Variants in DNAH11 observed in about 807,000 individuals in gnomAD.
The protein encoded by DNAH11 is dynein axonemal heavy chain 11.
A neutral mutation model predicts 526.0 loss-of-function variants in DNAH11; 442 were observed. That is an observed-to-expected ratio of 0.84 (90% CI 0.78 to 0.91). The LOEUF is 0.91. Among genes scored for constraint, DNAH11 ranks in the 40% least tolerant of loss-of-function variants. DNAH11 has a pLI of 0.00. For missense variants in DNAH11, 6,989 were observed against 5,448.7 expected (o/e 1.28, Z -8.90); for synonymous variants, 2,461 against 1,935.9 (o/e 1.27, Z -7.12).
At chr7:21,790,755 C>T (rs1189523979) in intron 61 of DNAH11, among the ~76,000 whole-genome samples, 39 of 152,144 alleles carry the variant, frequency 2.6e-4, no homozygotes, top group Admixed American at 2.4e-3. Context: ...TTGAAGTGTC[C>T]AGCAAGTCAG....
chr7:21,744,739 A>G (rs1461277426), intron 50 of DNAH11, 131 bp from the exon 51 acceptor site: 13 of 1,429,656 alleles, frequency 9.1e-6, no homozygotes, highest in African/African-American at 1.4e-5. Context: ...CACTTGGTCT[A>G]TGCTTGGGAA....
chr7:21,736,997 T>C (rs912373194), intron 46 of DNAH11, among the ~76,000 whole-genome samples: 1 of 152,186 alleles, frequency 6.6e-6, no homozygotes, highest in African/African-American at 2.4e-5. Flanking sequence ...TTACCTATGA[T>C]GTGAGTGCAT....
chr7:21,726,039 A>C, intron 45 of DNAH11, 55 bp downstream of exon 45: 1 of 1,435,594 alleles, frequency 7.0e-7, no homozygotes, highest in African/African-American at 1.5e-5. Context: ...TGCTATAAAA[A>C]ATACCTGCAA....
chr7:21,665,115 T>A (rs1782375926), intron 30 of DNAH11, among the ~76,000 whole-genome samples: 1 of 151,766 alleles, frequency 6.6e-6, no homozygotes, highest in Admixed American at 6.6e-5. Flanking sequence ...CTCTTCCCCT[T>A]CCTCCCTCTC....
intron 36 of DNAH11, among the ~76,000 whole-genome samples, chr7:21,699,114 T>C (rs546357433): frequency 6.6e-6 from 1 of 152,286 alleles, no homozygotes; most frequent in East Asian, 1.9e-4. Flanking sequence ...TCTAATAAGA[T>C]AGGGCAGGAG....
Position 21,695,013 on chromosome 7 carries a change from A to T in DNAH11, c.6042-3062A>T, listed in dbSNP as rs575392253. On this transcript the variant is annotated intron_variant, in intron 35 of 81. Transcript: ENST00000409508. Reference sequence around the variant, plus strand: ...TCACAATTGCTACAAAGAGAATAAAATACCTAGGAATACAACTTATAAGGG... The same window carrying T: ...TCACAATTGCTACAAAGAGAATAAATTACCTAGGAATACAACTTATAAGGG... Among the ~76,000 whole-genome samples, 7 of 152,304 alleles carry T rather than the reference A, an allele frequency of 4.6e-5. No individual in the cohort carries two copies. In the East Asian group the frequency reaches 1.4e-3, roughly 29 times the overall value.
chr7:21,686,607 A>G (rs1474800082), intron 32 of DNAH11, among the ~76,000 whole-genome samples: 7 of 152,166 alleles, frequency 4.6e-5, no homozygotes, highest in African/African-American at 1.7e-4. Context: ...TTCTTTGTAT[A>G]TTGAAATAGG....
chr7:21,789,440 C>G, intron 61 of DNAH11, 98 bp downstream of exon 61: 1 of 714,372 alleles, frequency 1.4e-6, no homozygotes, highest in South Asian at 2.1e-5. Context: ...TGAGCCCTAT[C>G]AAGCAGAAAG....
chr7:21,861,562 CAAATA>C lies in DNAH11; in HGVS notation c.11203-290_11203-286del, dbSNP rs564558656. On this transcript the variant is annotated intron_variant, in intron 68 of 81. Transcript: ENST00000409508. ...TATGTTATGTGTATCCTACCACAAT[CAAATA>C]CTAAAATATTATTTTAAGTACATGG... Among the ~76,000 whole-genome samples the C allele has an allele frequency of 3.1e-3, 468 of 152,214 alleles. 1 individual carries two copies. The highest frequency in any genetic ancestry group is 0.011 in the African/African-American group (442 of 41,534).
In DNAH11 at chr7:21,748,606, C is replaced by A; in HGVS notation, c.8537C>A (p.Thr2846Asn). 2 of 1,556,530 alleles carry A rather than the reference C, an allele frequency of 1.3e-6. No individual in the cohort carries two copies. Among genetic ancestry groups the A allele is most frequent in the African/African-American group, 1.4e-5 (1 of 72,916 alleles). Reference sequence around the variant, plus strand: ...TGTCGCATCAGCCGGATCTTACGAACCCCTCAGGGCTGTGCTCTCTTGGTT... The same window carrying A: ...TGTCGCATCAGCCGGATCTTACGAAACCCTCAGGGCTGTGCTCTCTTGGTT... ...HVCRISRILRTPQGCALLVGV... is the reference protein window; with the variant it reads ...HVCRISRILRNPQGCALLVGV... The change falls in exon 52 of 82, where the codon ACC becomes AAC. Residue 2846 changes from threonine to asparagine, a missense_variant. Coordinates refer to ENST00000409508, the MANE Select transcript of DNAH11 (RefSeq NM_001277115.2).
At chr7:21,737,660 C>G (rs1785675342) in intron 46 of DNAH11, among the ~76,000 whole-genome samples, 1 of 152,078 alleles carries the variant, frequency 6.6e-6, no homozygotes, top group Non-Finnish European at 1.5e-5. Context: ...ACATGAAGTA[C>G]CATTTATAGG....
rs1476046159 is a variant in DNAH11, at chr7:21,763,617, C to G, written c.8941-1811C>G. The stretch of plus-strand genomic sequence containing the variant: ...TGGTCGTTCCTCAAAAAATTGAAAA[C>G]AGAATTGCCATAAGATCCAGCAATC... On this transcript the variant is annotated intron_variant, in intron 54 of 81. Coordinates refer to ENST00000409508, the MANE Select transcript of DNAH11 (RefSeq NM_001277115.2). Among the ~76,000 whole-genome samples the G allele has an allele frequency of 2.0e-5, 3 of 151,496 alleles. No homozygotes were observed. The South Asian group carries it at 6.3e-4, about 32-fold the overall frequency.
At chr7:21,694,469 G>A (rs1187594983) in intron 35 of DNAH11, among the ~76,000 whole-genome samples, 1 of 152,110 alleles carries the variant, frequency 6.6e-6, no homozygotes. Flanking sequence ...CTGTTCTTGT[G>A]TTAGTTTGCT....
At chr7:21,630,016 G>T (rs1786528997) in intron 25 of DNAH11, among the ~76,000 whole-genome samples, 1 of 151,456 alleles carries the variant, frequency 6.6e-6, no homozygotes, top group Non-Finnish European at 1.5e-5. Flanking sequence ...TTCCTTTATT[G>T]TTAAGTGATT....
chr7:21,709,492 G>A (rs1021836386), intron 40 of DNAH11, among the ~76,000 whole-genome samples: 1 of 152,136 alleles, frequency 6.6e-6, no homozygotes, highest in Non-Finnish European at 1.5e-5. Flanking sequence ...CTACCTGGAC[G>A]ATGGCACCAT....
At chr7:21,720,396 A>G (rs1934521756) in intron 43 of DNAH11, among the ~76,000 whole-genome samples, 1 of 150,530 alleles carries the variant, frequency 6.6e-6, no homozygotes, top group Non-Finnish European at 1.5e-5. Context: ...TTAGAAAATG[A>G]TTTCCTATTT....
intron 63 of DNAH11, among the ~76,000 whole-genome samples, chr7:21,809,941 A>C (rs1177160656): frequency 2.0e-5 from 3 of 152,204 alleles, no homozygotes; most frequent in African/African-American, 7.2e-5. Flanking sequence ...AAGAACATAA[A>C]AATTAATTAT....
At chr7:21,848,184 G>A (rs1298959785) in intron 66 of DNAH11, among the ~76,000 whole-genome samples, 29 of 130,220 alleles carry the variant, frequency 2.2e-4, no homozygotes, top group East Asian at 8.4e-4. Flanking sequence ...AAAAAAAAAA[G>A]ATTATTATGC....
intron 57 of DNAH11, among the ~76,000 whole-genome samples, chr7:21,782,904 T>C (rs948687449): frequency 4.7e-5 from 5 of 107,462 alleles, no homozygotes; most frequent in African/African-American, 1.9e-4. Context: ...AACGAAACTG[T>C]CTCAAAAAAA....
Sources: gnomAD v4.1 joint callset for allele counts (sites outside exome capture counted in the v4.1 genomes callset) on GRCh38, gnomAD v4.1.1 for gene constraint, MANE v1.5 for transcripts, NCBI Gene and HGNC (gene_info 2026-07-23, HGNC 2026-07-21) for gene names.